Variants in RERG observed in about 807,000 individuals in gnomAD.
RERG encodes RAS like estrogen regulated growth inhibitor.
In RERG, 25 loss-of-function variants were observed where a neutral mutation model predicts 23.2. That is an observed-to-expected ratio of 1.08 (90% CI 0.79 to 1.50). The LOEUF is 1.50. Among genes scored for constraint, RERG ranks in the 40% most tolerant of loss-of-function variants. RERG has a pLI of 0.00. For synonymous variants in RERG, 81 were observed against 89.1 expected (o/e 0.91, Z 0.51); for missense variants, 253 against 250.1 (o/e 1.01, Z -0.08).
chr12:15,121,271 C>T lies in RERG; in HGVS notation c.62-152G>A. 4.9e-6 allele frequency: 3 copies of T among 617,058 alleles called. No individual in the cohort carries two copies. In the South Asian group the frequency reaches 7.2e-5, roughly 15 times the overall value. 38.2% of individuals were successfully genotyped at this position (617,058 alleles called of 1,614,324 possible). ...ACAAATAAATTTTTTTATGTTTATT[C>T]AAGTAATTTTCCAATTTCATATTAT... On this transcript the variant is annotated intron_variant, in intron 2 of 4. Coordinates refer to ENST00000256953, the MANE Select transcript of RERG (RefSeq NM_032918.3).
intron 2 of RERG, among the ~76,000 whole-genome samples, chr12:15,151,647 A>G (rs984749117): frequency 2.6e-5 from 4 of 152,234 alleles, no homozygotes; most frequent in Non-Finnish European, 4.4e-5. Flanking sequence ...TGTAATGTCC[A>G]GGAACTGAAT....
At chr12:15,119,384 G>T (rs1359080053) in intron 3 of RERG, among the ~76,000 whole-genome samples, 1 of 152,084 alleles carries the variant, frequency 6.6e-6, no homozygotes, top group Non-Finnish European at 1.5e-5. Flanking sequence ...CATTCAGGGA[G>T]AGTTCATTTT....
intron 2 of RERG, among the ~76,000 whole-genome samples, chr12:15,177,346 G>C (rs1429086294): frequency 1.3e-5 from 2 of 152,176 alleles, no homozygotes; most frequent in African/African-American, 4.8e-5. Context: ...CCAGCTACAT[G>C]GGAGGGTGAG....
At chr12:15,178,359 A>G (rs778530340) in intron 2 of RERG, among the ~76,000 whole-genome samples, 7 of 152,194 alleles carry the variant, frequency 4.6e-5, no homozygotes, top group Non-Finnish European at 7.4e-5. Flanking sequence ...TGTTAAAAAT[A>G]TGAATATGGA....
At chr12:15,122,378 A>G (rs1177477064) in intron 2 of RERG, among the ~76,000 whole-genome samples, 8 of 152,224 alleles carry the variant, frequency 5.3e-5, no homozygotes, top group Non-Finnish European at 1.2e-4. Context: ...AAACAGAGGT[A>G]TAACCTTCCT....
At chr12:15,149,290 C>T (rs939886747) in intron 2 of RERG, among the ~76,000 whole-genome samples, 13 of 152,064 alleles carry the variant, frequency 8.5e-5, no homozygotes, top group African/African-American at 2.7e-4. Context: ...TTTATCACTT[C>T]ATCTCAGGCT....
Position 15,109,203 on chromosome 12 carries a change from G to A in RERG, c.507C>T (p.Arg169=). The A allele has an allele frequency of 6.2e-7, 1 of 1,613,788 alleles. No individual in the cohort carries two copies. The highest frequency in any genetic ancestry group is 1.1e-5 in the South Asian group (1 of 91,046). The change falls in exon 5 of 5, where the codon CGC becomes CGT. Residue 169 remains arginine (R), a synonymous_variant. Coordinates refer to ENST00000256953, the MANE Select transcript of RERG (RefSeq NM_032918.3). ...IFYELCREVR[R]RRMVQGKTRR... ...TCGTCTTGCCCTGCACCATCCTCCG[G>A]CGACGCACCTCTCGACACAATTCAT...
rs1358499591 is a variant in RERG, at chr12:15,122,800, G to GT, written c.62-1682dup. 2.5e-3 allele frequency among the ~76,000 whole-genome samples: 337 copies of GT among 136,872 alleles called. 1 individual carries two copies. The highest frequency in any genetic ancestry group is 3.2e-3 in the African/African-American group (120 of 37,172). The allele number at this position is 136,872 out of a possible 152,430, so 89.8% of individuals were successfully genotyped here. A position where few individuals can be genotyped will look rare whatever the true frequency, so the allele number is the denominator to read the frequency against. ...AGACTACGTAGTTGTTTTTTTTTTT[G>GT]TTTTTTGTTTTCGTTTTTTTGACAC... On this transcript the variant is annotated intron_variant, in intron 2 of 4. Transcript: ENST00000256953.
intron 2 of RERG, among the ~76,000 whole-genome samples, chr12:15,187,297 A>C (rs1451438483): frequency 6.6e-6 from 1 of 152,118 alleles, no homozygotes; most frequent in African/African-American, 2.4e-5. Flanking sequence ...TGTGCCCAAG[A>C]GTAAATGCAG....
At chr12:15,216,051 C>A (rs1865437044) in intron 2 of RERG, among the ~76,000 whole-genome samples, 1 of 152,220 alleles carries the variant, frequency 6.6e-6, no homozygotes, top group African/African-American at 2.4e-5. Context: ...CTAGACCCTG[C>A]ACTCACAAGG....
intron 2 of RERG, 71 bp downstream of exon 2, chr12:15,217,358 C>G: frequency 9.6e-7 from 1 of 1,036,338 alleles, no homozygotes; most frequent in Admixed American, 1.7e-5. Flanking sequence ...CTGCCCAATC[C>G]CAAGAAACAG....
intron 2 of RERG, among the ~76,000 whole-genome samples, chr12:15,169,214 C>T (rs1211365140): frequency 6.6e-6 from 1 of 152,148 alleles, no homozygotes; most frequent in Non-Finnish European, 1.5e-5. Context: ...TTCCTTCTGA[C>T]TATACAGGGG....
intron 2 of RERG, among the ~76,000 whole-genome samples, chr12:15,192,988 G>A (rs985883338): frequency 1.3e-5 from 2 of 152,044 alleles, no homozygotes; most frequent in African/African-American, 4.8e-5. Flanking sequence ...GTGTCTGCCG[G>A]ATTTTTTTCA....
intron 2 of RERG, among the ~76,000 whole-genome samples, chr12:15,181,093 T>C (rs1864917020): frequency 6.6e-6 from 1 of 152,150 alleles, no homozygotes. Context: ...AAAACTCTGT[T>C]TTTGGTTCAC....
intron 2 of RERG, among the ~76,000 whole-genome samples, chr12:15,121,731 T>C (rs1007468980): frequency 6.6e-6 from 1 of 151,854 alleles, no homozygotes; most frequent in Non-Finnish European, 1.5e-5. Flanking sequence ...ATGAGGCAGG[T>C]ACGATGTTAA....
chr12:15,171,009 A>G (rs936983128), intron 2 of RERG, among the ~76,000 whole-genome samples: 9 of 152,164 alleles, frequency 5.9e-5, no homozygotes, highest in African/African-American at 1.9e-4. Context: ...CAATAGGGAG[A>G]ATTTAATTGG....
intron 3 of RERG, among the ~76,000 whole-genome samples, chr12:15,115,658 T>C (rs1863705927): frequency 6.6e-6 from 1 of 151,964 alleles, no homozygotes; most frequent in Non-Finnish European, 1.5e-5. Flanking sequence ...AACTCAGAAG[T>C]TTCTGTTGTC....
At chr12:15,197,900 G>A (rs1157565412) in intron 2 of RERG, among the ~76,000 whole-genome samples, 1 of 152,084 alleles carries the variant, frequency 6.6e-6, no homozygotes, top group Non-Finnish European at 1.5e-5. Flanking sequence ...AGCCTGTCTT[G>A]GTTGCTGAGT....
chr12:15,124,810 A>C (rs984024996), intron 2 of RERG, among the ~76,000 whole-genome samples: 1 of 151,924 alleles, frequency 6.6e-6, no homozygotes, highest in Non-Finnish European at 1.5e-5. Flanking sequence ...ATGTAACTAA[A>C]AGTGTTTAAA....
Sources: allele counts gnomAD v4.1 joint callset (sites outside exome capture counted in the v4.1 genomes callset), GRCh38; gene constraint gnomAD v4.1.1; transcripts MANE v1.5; gene names NCBI Gene and HGNC (gene_info 2026-07-23, HGNC 2026-07-21).